RAPGEF4: variants seen among roughly 807,000 people sequenced by gnomAD.
The protein encoded by RAPGEF4 is RAP guanine-nucleotide-exchange factor (GEF) 4.
Under a neutral mutation model 147.9 loss-of-function variants are expected in RAPGEF4, and 66 were observed. That is an observed-to-expected ratio of 0.45 (90% CI 0.37 to 0.55). RAPGEF4 has a LOEUF of 0.55. Ranked by LOEUF, RAPGEF4 falls within the 20% of genes least tolerant of loss-of-function variation. The pLI is 0.00. For missense variants in RAPGEF4, 1,071 were observed against 1,257.3 expected, an observed-to-expected ratio of 0.85 and a Z score of 2.24; for synonymous variants, 419 against 442.7, an observed-to-expected ratio of 0.95 and a Z score of 0.67.
chr2:172,986,306 T>G (rs1253358642), intron 12 of RAPGEF4, among the ~76,000 whole-genome samples: 1 of 152,230 alleles, frequency 6.6e-6, no homozygotes, highest in Non-Finnish European at 1.5e-5. Context: ...CATAGAACAC[T>G]TTTTGCATGG....
At chr2:172,887,193 CAAA>C (rs534302995) in intron 4 of RAPGEF4, among the ~76,000 whole-genome samples, 1 of 53,240 alleles carries the variant, frequency 1.9e-5, no homozygotes, top group Admixed American at 2.0e-4. Context: ...GACTCCGTCT[CAAA>C]AAAAAAAAAA....
At chr2:172,941,816 G>A (rs1292087876) in intron 6 of RAPGEF4, among the ~76,000 whole-genome samples, 2 of 152,052 alleles carry the variant, frequency 1.3e-5, no homozygotes, top group Admixed American at 6.6e-5. Context: ...CTGAAAAATG[G>A]GTTGATAATA....
chr2:172,894,868 C>A (rs373218807), intron 4 of RAPGEF4, among the ~76,000 whole-genome samples: 1 of 152,096 alleles, frequency 6.6e-6, no homozygotes. Context: ...CTATTTTGGC[C>A]TTTAACTTGG....
intron 3 of RAPGEF4, among the ~76,000 whole-genome samples, chr2:172,803,316 C>T (rs980506715): frequency 6.6e-6 from 1 of 152,208 alleles, no homozygotes; most frequent in African/African-American, 2.4e-5. Context: ...CAGAGGTTCC[C>T]AAACCTCAAT....
chr2:172,802,607 C>T (rs1324125373), intron 3 of RAPGEF4, among the ~76,000 whole-genome samples: 1 of 152,166 alleles, frequency 6.6e-6, no homozygotes, highest in Admixed American at 6.5e-5. Context: ...TAATTCCATC[C>T]CTGGCCACTA....
At chr2:172,898,488 G>A (rs534307642) in intron 4 of RAPGEF4, among the ~76,000 whole-genome samples, 1 of 152,090 alleles carries the variant, frequency 6.6e-6, no homozygotes, top group Non-Finnish European at 1.5e-5. Context: ...GGACCCACTG[G>A]GACAAGCTCC....
At chr2:173,016,890 G>A (rs1227800247) in intron 19 of RAPGEF4, among the ~76,000 whole-genome samples, 2 of 152,216 alleles carry the variant, frequency 1.3e-5, no homozygotes, top group African/African-American at 2.4e-5. Flanking sequence ...TAGATTAAAT[G>A]CAGTATCAGA....
At chr2:172,854,773 T>G (rs1451937615) in intron 4 of RAPGEF4, among the ~76,000 whole-genome samples, 2 of 152,044 alleles carry the variant, frequency 1.3e-5, no homozygotes, top group African/African-American at 2.4e-5. Context: ...CTTTATTGGA[T>G]GCAAGGCCAA....
intron 4 of RAPGEF4, among the ~76,000 whole-genome samples, chr2:172,850,081 A>C (rs1351370324): frequency 6.6e-6 from 1 of 152,032 alleles, no homozygotes; most frequent in African/African-American, 2.4e-5. Flanking sequence ...CTGACCCTTT[A>C]ATTTGACCTG....
At chr2:172,802,937 C>G (rs1687121148) in intron 3 of RAPGEF4, among the ~76,000 whole-genome samples, 1 of 152,218 alleles carries the variant, frequency 6.6e-6, no homozygotes, top group Admixed American at 6.5e-5. Context: ...TCCTTTGACT[C>G]TATGTCTCAT....
intron 4 of RAPGEF4, among the ~76,000 whole-genome samples, chr2:172,896,708 G>A (rs1003997071): frequency 8.5e-5 from 13 of 152,078 alleles, no homozygotes; most frequent in African/African-American, 3.1e-4. Context: ...TTGGCAGAGG[G>A]CATTGTGAAA....
intron 4 of RAPGEF4, among the ~76,000 whole-genome samples, chr2:172,843,686 C>T (rs1691862433): frequency 6.6e-6 from 1 of 152,142 alleles, no homozygotes; most frequent in East Asian, 1.9e-4. Flanking sequence ...ATTCATCCCA[C>T]TTAGTGTGAA....
chr2:172,925,131 C>G (rs556004017), intron 6 of RAPGEF4, among the ~76,000 whole-genome samples: 1 of 152,182 alleles, frequency 6.6e-6, no homozygotes, highest in Admixed American at 6.5e-5. Flanking sequence ...AGGCACCCAC[C>G]ACCATGCCTG....
chr2:172,971,849 A>G (rs867657219), intron 10 of RAPGEF4, among the ~76,000 whole-genome samples: 161 of 152,156 alleles, frequency 1.1e-3, no homozygotes, highest in African/African-American at 3.6e-3. Flanking sequence ...AATTGCCAGT[A>G]TCATTGTTGT....
intron 4 of RAPGEF4, among the ~76,000 whole-genome samples, chr2:172,862,132 A>C (rs1171213162): frequency 6.6e-6 from 1 of 152,254 alleles, no homozygotes; most frequent in Non-Finnish European, 1.5e-5. Flanking sequence ...GTACATTAAA[A>C]GGCAGCATTC....
At chr2:172,823,394 G>T (rs1689294836) in intron 4 of RAPGEF4, among the ~76,000 whole-genome samples, 1 of 152,176 alleles carries the variant, frequency 6.6e-6, no homozygotes. Context: ...CAAATGTCTG[G>T]GTTTGTTTTT....
rs79906954 is a variant in RAPGEF4, at chr2:173,043,454, C to T, written c.2854-5146C>T. 3.7e-3 allele frequency among the ~76,000 whole-genome samples: 562 copies of T among 152,302 alleles called. 8 individuals carry two copies. Among genetic ancestry groups the T allele is most frequent in the Admixed American group, 0.03 (456 of 15,306 alleles). On this transcript the variant is annotated intron_variant, in intron 29 of 30. Transcript: ENST00000397081. ...AGAGGAAGGCTATTGTGGCCGCTGT[C>T]TGGGAGCGGGAGGTCCTAGAGTGGT...
intron 4 of RAPGEF4, among the ~76,000 whole-genome samples, chr2:172,912,636 T>A (rs1683560876): frequency 1.3e-5 from 2 of 152,200 alleles, no homozygotes; most frequent in African/African-American, 4.8e-5. Context: ...TAATTTATAT[T>A]TACTCTAAAT....
chr2:172,963,409 C>A (rs1231519503), intron 8 of RAPGEF4, among the ~76,000 whole-genome samples: 1 of 152,098 alleles, frequency 6.6e-6, no homozygotes, highest in African/African-American at 2.4e-5. Flanking sequence ...GTTAAAGGAA[C>A]TTTTTCTTTT....
Sources: gnomAD v4.1 joint callset for allele counts (sites outside exome capture counted in the v4.1 genomes callset) on GRCh38, gnomAD v4.1.1 for gene constraint, MANE v1.5 for transcripts, NCBI Gene and HGNC (gene_info 2026-07-23, HGNC 2026-07-21) for gene names.